Variants in YWHAQ observed in about 807,000 individuals in gnomAD.
The protein encoded by YWHAQ is tyrosine 3-monooxygenase/tryptophan 5-monooxygenase activation protein theta, also known as 14-3-3 protein theta.
A neutral mutation model predicts 28.3 loss-of-function variants in YWHAQ; 6 were observed. The observed-to-expected ratio is 0.21, with a 90% confidence interval of 0.12 to 0.42. YWHAQ has a LOEUF of 0.42. Ranked by LOEUF, YWHAQ falls within the 10% of genes least tolerant of loss-of-function variation. The pLI is 1.00. For missense variants in YWHAQ, 201 were observed against 305.6 expected (o/e 0.66, Z 2.55); for synonymous variants, 143 against 119.1 (o/e 1.20, Z -1.31).
At chr2:9,613,599 G>A (rs1666992813) in intron 2 of YWHAQ, among the ~76,000 whole-genome samples, 1 of 152,180 alleles carries the variant, frequency 6.6e-6, no homozygotes, top group African/African-American at 2.4e-5. Flanking sequence ...AATACAAAGA[G>A]AAGCAGCATT....
intron 2 of YWHAQ, among the ~76,000 whole-genome samples, chr2:9,617,688 C>T (rs1667063285): frequency 6.6e-6 from 1 of 152,022 alleles, no homozygotes; most frequent in African/African-American, 2.4e-5. Flanking sequence ...CTTGTAATTC[C>T]AGCACTCTGG....
intron 2 of YWHAQ, among the ~76,000 whole-genome samples, chr2:9,621,267 T>C (rs1356434321): frequency 6.6e-6 from 1 of 152,180 alleles, no homozygotes; most frequent in African/African-American, 2.4e-5. Context: ...ACTCCATCAA[T>C]CTACTTAGCA....
At position 9,604,919 on chromosome 2, in the gene YWHAQ, G is replaced by A. The variant is rs146294840; in HGVS notation, c.295-13404C>T. 2.7e-3 allele frequency among the ~76,000 whole-genome samples: 417 copies of A among 152,282 alleles called. 1 individual carries two copies. The highest frequency in any genetic ancestry group is 6.8e-3 in the Middle Eastern group (2 of 294). ...TTTCATTCACAAAATGTAGCACAGT[G>A]TCTATCACATAGTAGGACTCATTAT... On this transcript the variant is annotated intron_variant, in intron 2 of 5. Transcript: ENST00000238081.
chr2:9,630,460 G>GCGGGGCCGGGGC lies in YWHAQ; in HGVS notation c.-20_-9dup, dbSNP rs200302461. On this transcript the variant is annotated 5_prime_UTR_variant, in exon 2 of 6. Coordinates refer to ENST00000238081, the MANE Select transcript of YWHAQ (RefSeq NM_006826.4). The surrounding 1 kb of genome is among the most constrained non-coding windows in gnomAD (Gnocchi z 5.6). ...CAGCTCAGTCTTCTCCATGGCGGGC[G>GCGGGGCCGGGGC]CGGGGCCGGGGCCGGGGCGGAGGGC... 1.5e-4 allele frequency: 234 copies of GCGGGGCCGGGGC among 1,575,596 alleles called. 1 individual carries two copies. The highest frequency in any genetic ancestry group is 3.4e-4 in the Middle Eastern group (2 of 5,968).
intron 2 of YWHAQ, among the ~76,000 whole-genome samples, chr2:9,591,942 G>A (rs142230454): frequency 4.7e-4 from 71 of 152,322 alleles, no homozygotes; most frequent in African/African-American, 1.6e-3. Context: ...ATGTGAATAC[G>A]GTGCTAAGGA....
intron 3 of YWHAQ, among the ~76,000 whole-genome samples, chr2:9,588,603 T>G (rs1181087313): frequency 6.6e-6 from 1 of 151,982 alleles, no homozygotes; most frequent in Non-Finnish European, 1.5e-5. Context: ...AAACCCCATC[T>G]CTACTAAAAA....
At position 9,630,023 on chromosome 2, in the gene YWHAQ, C is replaced by G; in HGVS notation, c.294+136G>C. 1 of 1,154,138 alleles carries G rather than the reference C, an allele frequency of 8.7e-7. No individual in the cohort carries two copies. The highest frequency in any genetic ancestry group is 1.2e-6 in the Non-Finnish European group (1 of 826,732). The allele number at this position is 1,154,138 out of a possible 1,614,324, so 71.5% of individuals were successfully genotyped here. On this transcript the variant is annotated intron_variant, in intron 2 of 5. Coordinates refer to ENST00000238081, the MANE Select transcript of YWHAQ (RefSeq NM_006826.4). This position sits in a 1 kb window ranked among gnomAD's most constrained non-coding sequence, Gnocchi z 5.6. ...AACCGGAGGGACACAGTAGGGAAGT[C>G]AGGGCTCACCTAAAACCCTCCACCC...
chr2:9,626,203 A>G (rs1667244474), intron 2 of YWHAQ, among the ~76,000 whole-genome samples: 1 of 152,254 alleles, frequency 6.6e-6, no homozygotes, highest in Admixed American at 6.5e-5. Context: ...AAATTCTACT[A>G]GAACTGATGT....
chr2:9,607,207 C>CTT (rs61190266), intron 2 of YWHAQ, among the ~76,000 whole-genome samples: 12 of 129,136 alleles, frequency 9.3e-5, no homozygotes, highest in African/African-American at 2.5e-4. Context: ...TTTTTTTTTT[C>CTT]TTTTTTTTTT....
Position 9,591,510 on chromosome 2 carries a change from C to A in YWHAQ, c.300G>T (p.Leu100Phe). The change falls in exon 3 of 6, where the codon TTG becomes TTT. Residue 100 changes from leucine to phenylalanine, a missense_variant. Leu to Phe is a conservative substitution (Grantham distance 22). Transcript: ENST00000238081. Reference sequence around the variant, plus strand: ...CATTGGCTATTAAATATTTATCCAACAATTCCTGAAATAAATAAGACAGAA... The same window carrying A: ...CATTGGCTATTAAATATTTATCCAAAAATTCCTGAAATAAATAAGACAGAA... ...LRSICTTVLE[L>F]LDKYLIANAT... is the part of the protein sequence containing the mutation. The A allele has an allele frequency of 6.2e-7, 1 of 1,607,474 alleles. No homozygotes were observed. The highest frequency in any genetic ancestry group is 1.1e-5 in the South Asian group (1 of 90,810).
intron 2 of YWHAQ, among the ~76,000 whole-genome samples, chr2:9,600,569 G>C (rs1185082115): frequency 6.6e-6 from 1 of 152,136 alleles, no homozygotes; most frequent in Non-Finnish European, 1.5e-5. Context: ...GTTGGGTGTG[G>C]TGGTGCATGC....
At chr2:9,627,188 G>C (rs1206253715) in intron 2 of YWHAQ, among the ~76,000 whole-genome samples, 1 of 152,174 alleles carries the variant, frequency 6.6e-6, no homozygotes, top group Non-Finnish European at 1.5e-5. Flanking sequence ...CAGTTATTTT[G>C]AATACATGGT....
At chr2:9,588,486 C>T (rs1558540571) in intron 3 of YWHAQ, among the ~76,000 whole-genome samples, 158 bp from the exon 4 acceptor site, 1 of 152,084 alleles carries the variant, frequency 6.6e-6, no homozygotes, top group South Asian at 2.1e-4. Context: ...AAAACATTAT[C>T]GTGGCCAGGC....
chr2:9,588,445 A>G (rs67724256), intron 3 of YWHAQ, 117 bp from the exon 4 acceptor site: 260,585 of 1,207,926 alleles, frequency 0.22, 30,568 homozygotes, highest in Non-Finnish European at 0.24. Flanking sequence ...TTTTCTCTGT[A>G]TGGGTCTTTT....
Position 9,624,996 on chromosome 2 carries a change from G to A in YWHAQ, c.294+5163C>T, listed in dbSNP as rs192169302. Among the ~76,000 whole-genome samples the A allele has an allele frequency of 2.4e-3, 368 of 151,882 alleles. 2 individuals are homozygous for A. Among genetic ancestry groups the A allele is most frequent in the African/African-American group, 8.5e-3 (350 of 41,418 alleles). ...TGACCTCAGGTGATCCACCTGCCTCGGCCTCCCAAAGTGCCAGGATTACAG... is the reference window on the plus strand; with the variant it reads ...TGACCTCAGGTGATCCACCTGCCTCAGCCTCCCAAAGTGCCAGGATTACAG... On this transcript the variant is annotated intron_variant, in intron 2 of 5. Transcript: ENST00000238081.
At chr2:9,604,591 C>T (rs1012711827) in intron 2 of YWHAQ, among the ~76,000 whole-genome samples, 2 of 152,164 alleles carry the variant, frequency 1.3e-5, no homozygotes, top group African/African-American at 4.8e-5. Context: ...TCCCTATCAG[C>T]AGGTTCTACA....
At chr2:9,591,129 A>G (rs1417076540) in intron 3 of YWHAQ, among the ~76,000 whole-genome samples, 1 of 152,240 alleles carries the variant, frequency 6.6e-6, no homozygotes, top group Non-Finnish European at 1.5e-5. Context: ...TCTAAAAAGC[A>G]TAAAAGATTA....
Position 9,630,541 on chromosome 2 carries a change from A to G in YWHAQ, c.-82-7T>C, listed in dbSNP as rs1667349817. ...GCGGGAGGAGCCTCGAGAGCTGCGG[A>G]GGGGCGGGGCGGCGAGGCGAGAACA... On this transcript the variant is annotated splice_polypyrimidine_tract_variant and splice_region_variant and intron_variant, in intron 1 of 5. Transcript: ENST00000238081. This position sits in a 1 kb window ranked among gnomAD's most constrained non-coding sequence, Gnocchi z 5.6. 3.8e-6 allele frequency: 5 copies of G among 1,307,860 alleles called. No homozygotes were observed. Among genetic ancestry groups the G allele is most frequent in the South Asian group, 1.5e-5 (1 of 65,760 alleles). 81.0% of individuals were successfully genotyped at this position (1,307,860 alleles called of 1,614,324 possible).
chr2:9,612,555 T>C (rs193251329), intron 2 of YWHAQ, among the ~76,000 whole-genome samples: 42 of 152,342 alleles, frequency 2.8e-4, no homozygotes, highest in Admixed American at 2.2e-3. Context: ...GGAAGCATTG[T>C]CCTGACTGAC....
Sources: allele counts gnomAD v4.1 joint callset (sites outside exome capture counted in the v4.1 genomes callset), GRCh38; gene constraint gnomAD v4.1.1; non-coding constraint Gnocchi (gnomAD v3.1); transcripts MANE v1.5; gene names NCBI Gene and HGNC (gene_info 2026-07-23, HGNC 2026-07-21).